Variants in ASCC2 observed in about 807,000 individuals in gnomAD.
ASCC2 encodes activating signal cointegrator 1 complex subunit 2, also known as ASC-1 complex subunit P100.
Under a neutral mutation model 93.5 loss-of-function variants are expected in ASCC2, and 42 were observed. The ratio of observed to expected loss-of-function variants is 0.45; its 90% confidence interval spans 0.35 to 0.58. The LOEUF (loss-of-function observed/expected upper bound fraction) is 0.58. Among genes scored for constraint, ASCC2 ranks in the 20% least tolerant of loss-of-function variants. The probability of loss-of-function intolerance (pLI) is 0.00; values close to 1 mark genes in which losing one functional copy is unlikely to be tolerated. For missense variants in ASCC2, 859 were observed against 977.6 expected (o/e 0.88, Z 1.62); for synonymous variants, 364 against 384.2 (o/e 0.95, Z 0.62).
intron 18 of ASCC2, 27 bp downstream of exon 18, chr22:29,792,406 T>C (rs1172082656): frequency 6.2e-7 from 1 of 1,612,398 alleles, no homozygotes; most frequent in Non-Finnish European, 8.5e-7. Context: ...CACTCTCCCC[T>C]TCATCTGCTA....
intron 1 of ASCC2, among the ~76,000 whole-genome samples, chr22:29,835,270 C>T (rs1299439837): frequency 6.6e-6 from 1 of 152,018 alleles, no homozygotes; most frequent in Non-Finnish European, 1.5e-5. Context: ...TGGTGGTGCA[C>T]TCCTGTAGTC....
intron 4 of ASCC2, among the ~76,000 whole-genome samples, chr22:29,824,078 A>T (rs2061958341): frequency 6.6e-6 from 1 of 152,006 alleles, no homozygotes; most frequent in Non-Finnish European, 1.5e-5. Flanking sequence ...AGTCCCAGCT[A>T]CTTTGGAGGC....
At position 29,825,337 on chromosome 22, in the gene ASCC2, T is replaced by C. The variant is rs764292785; in HGVS notation, c.241-80A>G. The stretch of plus-strand genomic sequence containing the variant: ...GTGGGTGGACTGTGCAGGGACTCAA[T>C]GCCCATCAGCCCTGCCCTATTCCAA... On this transcript the variant is annotated intron_variant, in intron 3 of 19. Coordinates refer to ENST00000307790, the MANE Select transcript of ASCC2 (RefSeq NM_032204.5). This position sits in a 1 kb window ranked among gnomAD's most constrained non-coding sequence, Gnocchi z 4.9. 1.2e-5 allele frequency: 18 copies of C among 1,454,896 alleles called. No individual in the cohort carries two copies. Among genetic ancestry groups the C allele is most frequent in the African/African-American group, 1.4e-5 (1 of 70,408 alleles). 90.1% of individuals were successfully genotyped at this position (1,454,896 alleles called of 1,614,324 possible). A position where few individuals can be genotyped will look rare whatever the true frequency, so the allele number is the denominator to read the frequency against.
chr22:29,808,336 C>T, intron 8 of ASCC2, 151 bp from the exon 9 acceptor site: 1 of 729,852 alleles, frequency 1.4e-6, no homozygotes, highest in Non-Finnish European at 2.3e-6. Context: ...CTGAGCTCAC[C>T]CCAGACTGAC....
chr22:29,815,955 T>C (rs1472326188), intron 6 of ASCC2, 51 bp downstream of exon 6: 1 of 1,452,240 alleles, frequency 6.9e-7, no homozygotes, highest in Admixed American at 2.0e-5. Flanking sequence ...GTTGGGGAGG[T>C]GGCCTATCCT....
chr22:29,818,477 C>G (rs60665668), intron 5 of ASCC2, among the ~76,000 whole-genome samples: 13,280 of 86,134 alleles, frequency 0.15, 979 homozygotes, highest in South Asian at 0.23. Flanking sequence ...CACACACACA[C>G]AGTGAAGGGG....
intron 17 of ASCC2, 65 bp from the exon 18 acceptor site, chr22:29,792,600 G>A: frequency 1.9e-6 from 3 of 1,601,914 alleles, no homozygotes; most frequent in Non-Finnish European, 2.6e-6. Flanking sequence ...CCACAAGGAG[G>A]AGGGAACCTG....
At chr22:29,831,090 G>A (rs2063088036) in intron 2 of ASCC2, among the ~76,000 whole-genome samples, 1 of 152,174 alleles carries the variant, frequency 6.6e-6, no homozygotes, top group Non-Finnish European at 1.5e-5. Context: ...TAAAAATCTA[G>A]TTCCTCAGTC....
chr22:29,810,702 C>T (rs577073246), intron 8 of ASCC2, among the ~76,000 whole-genome samples: 10 of 152,078 alleles, frequency 6.6e-5, no homozygotes, highest in Non-Finnish European at 8.8e-5. Context: ...CACAGAGGTA[C>T]CAAATAATGT....
Position 29,808,165 on chromosome 22 carries a change from G to C in ASCC2, c.854C>G (p.Ala285Gly), listed in dbSNP as rs1444571693. 7 of 1,614,232 alleles carry C rather than the reference G, an allele frequency of 4.3e-6. No individual in the cohort carries two copies. The South Asian group carries it at 7.7e-5, about 18-fold the overall frequency. Residue 285 changes from alanine to glycine, a missense_variant, in exon 9 of 20, where the codon GCA (alanine) becomes GGA (glycine). Ala to Gly is a moderately conservative substitution (Grantham distance 60, BLOSUM62 0). Coordinates refer to ENST00000307790, the MANE Select transcript of ASCC2 (RefSeq NM_032204.5). Reference sequence around the variant, plus strand: ...TGCAGACTCCATTTCGGGAATTGCTGCTTCGTAGAAGGAAGCTAGTCTGTG... The same window carrying C: ...TGCAGACTCCATTTCGGGAATTGCTCCTTCGTAGAAGGAAGCTAGTCTGTG... ...FCYRLASFYEAAIPEMESAIK... is the reference protein window; with the variant it reads ...FCYRLASFYEGAIPEMESAIK...
chr22:29,807,973 T>C (rs2059874110), intron 9 of ASCC2, 138 bp downstream of exon 9: 2 of 762,834 alleles, frequency 2.6e-6, no homozygotes, highest in Non-Finnish European at 4.3e-6. Context: ...TAGATAGGGA[T>C]GCAGAAGCTC....
At chr22:29,831,407 G>A (rs2063128120) in intron 2 of ASCC2, among the ~76,000 whole-genome samples, 1 of 152,190 alleles carries the variant, frequency 6.6e-6, no homozygotes, top group Non-Finnish European at 1.5e-5. Flanking sequence ...GGGCTGTGAT[G>A]TGGACTAAAT....
intron 1 of ASCC2, among the ~76,000 whole-genome samples, chr22:29,832,749 CT>C (rs956397200): frequency 2.7e-3 from 394 of 143,808 alleles, no homozygotes; most frequent in African/African-American, 2.6e-3. Flanking sequence ...CCATGCCCAG[CT>C]TTTTTTTTTT....
intron 18 of ASCC2, among the ~76,000 whole-genome samples, chr22:29,791,924 C>G (rs2057802655): frequency 1.3e-5 from 2 of 152,182 alleles, no homozygotes; most frequent in African/African-American, 2.4e-5. Context: ...AATTTGTCAC[C>G]CTGGTGTGGG....
intron 2 of ASCC2, among the ~76,000 whole-genome samples, chr22:29,826,866 G>A (rs1320843682): frequency 4.6e-5 from 7 of 151,914 alleles, no homozygotes; most frequent in Non-Finnish European, 7.4e-5. Flanking sequence ...GGGAGGCTGA[G>A]GCAGGCAGAT....
rs1033278458 is a variant in ASCC2 at position 29,822,534 on chromosome 22, T to C, written c.412-70A>G. On this transcript the variant is annotated intron_variant, in intron 4 of 19. Transcript: ENST00000307790. ...TCCTACATTATAAATAGCAAACTCA[T>C]GAGAAACGATCTTTGGTTCCATCAA... The C allele has an allele frequency of 3.6e-5, 56 of 1,560,078 alleles. No homozygotes were observed. The South Asian group carries it at 4.4e-4, about 12-fold the overall frequency.
chr22:29,807,930 A>AAC (rs2059868312), intron 9 of ASCC2, among the ~76,000 whole-genome samples, 181 bp downstream of exon 9: 1 of 151,490 alleles, frequency 6.6e-6, no homozygotes, highest in Non-Finnish European at 1.5e-5. Flanking sequence ...ACAACAACAA[A>AAC]AAAAAAAACA....
chr22:29,825,020 G>T lies in ASCC2; in HGVS notation c.411+67C>A. The stretch of plus-strand genomic sequence containing the variant: ...ATGCTTCCAGAGCCTTCCTTCCCAG[G>T]GGTGGAGAGCCCGGCACAGAGGTGT... On this transcript the variant is annotated intron_variant, in intron 4 of 19. Transcript: ENST00000307790. The surrounding 1 kb of genome is among the most constrained non-coding windows in gnomAD (Gnocchi z 4.9). 7.8e-7 allele frequency: 1 copy of T among 1,288,066 alleles called. No homozygotes were observed. Among genetic ancestry groups the T allele is most frequent in the South Asian group, 2.2e-5 (1 of 44,508 alleles). The allele number at this position is 1,288,066 out of a possible 1,614,324, so 79.8% of individuals were successfully genotyped here.
chr22:29,807,324 C>T (rs1189254035), intron 9 of ASCC2, among the ~76,000 whole-genome samples: 1 of 151,912 alleles, frequency 6.6e-6, no homozygotes, highest in African/African-American at 2.4e-5. Context: ...GTTGCAGGTG[C>T]CTCCCTGGAG....
Sources: gnomAD v4.1 joint callset for allele counts (sites outside exome capture counted in the v4.1 genomes callset) on GRCh38, gnomAD v4.1.1 for gene constraint, Gnocchi (gnomAD v3.1) non-coding constraint, MANE v1.5 for transcripts, NCBI Gene and HGNC (gene_info 2026-07-23, HGNC 2026-07-21) for gene names.